The following IRAG2 variants were observed in gnomAD, a reference collection of about 807,000 sequenced individuals.
IRAG2 encodes lymphoid restricted membrane protein.
A neutral mutation model predicts 69.9 loss-of-function variants in IRAG2; 45 were observed. That is an observed-to-expected ratio of 0.64 (90% CI 0.51 to 0.83). The LOEUF is 0.83. IRAG2 is among the 40% of genes least tolerant of loss of function. The probability of loss-of-function intolerance (pLI) is 0.00; values close to 1 mark genes in which losing one functional copy is unlikely to be tolerated. For synonymous variants in IRAG2, 193 were observed against 202.4 expected, an observed-to-expected ratio of 0.95 and a Z score of 0.40; for missense variants, 520 against 587.0, an observed-to-expected ratio of 0.89 and a Z score of 1.18.
At chr12:25,085,038 C>A (rs138395903) in intron 10 of IRAG2, among the ~76,000 whole-genome samples, 1 of 152,364 alleles carries the variant, frequency 6.6e-6, no homozygotes. Context: ...GGCTCTGCCC[C>A]CTGGCAGCAT....
At chr12:25,060,668 CTTTTTTTTTTTTT>C in intron 1 of IRAG2, among the ~76,000 whole-genome samples, 1 of 99,280 alleles carries the variant, frequency 1.0e-5, no homozygotes. Context: ...AATGTATTTT[CTTTTTTTTTTTTT>C]TTTTTTTTTG....
At chr12:25,040,233 G>A (rs1470717503) in intron 16 of IRAG2, among the ~76,000 whole-genome samples, 1 of 152,240 alleles carries the variant, frequency 6.6e-6, no homozygotes, top group East Asian at 1.9e-4. Flanking sequence ...AAATAGCTGG[G>A]TGCCCCGGCT....
In IRAG2 at chr12:25,079,335, G is replaced by T. The variant is rs771976932; in HGVS notation, c.71+45G>T. On this transcript the variant is annotated intron_variant, in intron 7 of 21. Coordinates refer to ENST00000556887, the MANE Select transcript of IRAG2 (RefSeq NM_001366544.2). ...GTGTGTGAATTTGTATGCATATTTA[G>T]TTGGTTTTAAGAGAATTATTTGGAC... is the stretch of plus-strand genomic sequence containing the variant. 4.3e-6 allele frequency: 7 copies of T among 1,610,632 alleles called. No individual in the cohort carries two copies. The Admixed American group carries it at 8.3e-5, about 19-fold the overall frequency.
At chr12:25,010,499 T>C (rs1591922636) in intron 2 of IRAG2, among the ~76,000 whole-genome samples, 1 of 152,106 alleles carries the variant, frequency 6.6e-6, no homozygotes, top group East Asian at 1.9e-4. Flanking sequence ...CAGTTCTCTC[T>C]CTAAATAACT....
At chr12:25,096,168 A>T (rs1329330931) in intron 14 of IRAG2, among the ~76,000 whole-genome samples, 1 of 152,198 alleles carries the variant, frequency 6.6e-6, no homozygotes, top group African/African-American at 2.4e-5. Context: ...TTTTTTGAAC[A>T]TTTCTAAAAT....
upstream of IRAG2, among the ~76,000 whole-genome samples, chr12:25,003,494 C>T (rs1226261514): frequency 6.6e-6 from 1 of 151,884 alleles, no homozygotes; most frequent in South Asian, 2.1e-4. Context: ...TACAGGCACG[C>T]ACCACCACAC....
chr12:25,005,967 T>G (rs941663833), intron 2 of IRAG2, among the ~76,000 whole-genome samples: 4 of 152,160 alleles, frequency 2.6e-5, no homozygotes, highest in African/African-American at 9.7e-5. Flanking sequence ...GTAGAAGATA[T>G]TCACAACCAT....
chr12:25,077,637 G>T (rs116648091), intron 6 of IRAG2, among the ~76,000 whole-genome samples: 2,558 of 151,692 alleles, frequency 0.017, 79 homozygotes, highest in African/African-American at 0.059. Flanking sequence ...TCCATGCTTG[G>T]CCTACGGGCT....
rs374324375 is a variant in IRAG2 at position 25,097,062 on chromosome 12, C to T, written c.741+18C>T. ...TCAATCAGGTAACCTGTCTTCATTT[C>T]TCTAGTTAGAATGAAATTACAAAAA... On this transcript the variant is annotated intron_variant, in intron 15 of 21. Transcript: ENST00000556887. The T allele has an allele frequency of 1.0e-5, 16 of 1,579,556 alleles. No homozygotes were observed. Among genetic ancestry groups the T allele is most frequent in the Non-Finnish European group, 8.6e-7 (1 of 1,167,652 alleles).
rs1420963075 is a variant in IRAG2 at position 25,061,645 on chromosome 12, C to T, written c.-393C>T. 1.0e-5 allele frequency: 4 copies of T among 398,434 alleles called. No individual in the cohort carries two copies. Among genetic ancestry groups the T allele is most frequent in the Non-Finnish European group, 1.8e-5 (4 of 226,050 alleles). The allele number at this position is 398,434 out of a possible 1,614,324, so 24.7% of individuals were successfully genotyped here. A position where few individuals can be genotyped will look rare whatever the true frequency, so the allele number is the denominator to read the frequency against. ...CATTGAAGGGGAACACCATGGCTTG[C>T]TGTTTCAGGTAAAATATCTCTGATA... On this transcript the variant is annotated 5_prime_UTR_variant, in exon 2 of 22. Transcript: ENST00000556887.
the IRAG2 span, among the ~76,000 whole-genome samples, chr12:24,998,049 C>A: frequency 6.6e-6 from 1 of 152,162 alleles, no homozygotes; most frequent in African/African-American, 2.4e-5. Context: ...ACTGTAAGAA[C>A]CTTGGAGGCA....
chr12:25,053,722 A>G (rs1565538766), intron 1 of IRAG2, among the ~76,000 whole-genome samples: 1 of 147,018 alleles, frequency 6.8e-6, no homozygotes, highest in Non-Finnish European at 1.5e-5. Flanking sequence ...AGCAGTATAA[A>G]TATTCTTTTT....
intron 1 of IRAG2, chr12:25,004,923 T>C (rs990277382): frequency 8.2e-7 from 1 of 1,225,602 alleles, no homozygotes; most frequent in Non-Finnish European, 1.0e-6. Flanking sequence ...ATGGTAAATA[T>C]TCATCTTTTA....
At chr12:25,017,324 A>G in intron 6 of IRAG2, 1 of 1,231,314 alleles carries the variant, frequency 8.1e-7, no homozygotes, top group Non-Finnish European at 1.0e-6. Flanking sequence ...TGTGCGGGGA[A>G]CTTTCATTTC....
At chr12:25,104,327 G>T in intron 19 of IRAG2, 34 bp from the exon 20 acceptor site, 3 of 1,330,880 alleles carry the variant, frequency 2.3e-6, no homozygotes, top group South Asian at 2.3e-5. Context: ...AGATGTATTT[G>T]ATTTGACAAG....
intron 16 of IRAG2, among the ~76,000 whole-genome samples, chr12:25,040,655 G>C (rs531280142): frequency 6.6e-6 from 1 of 152,190 alleles, no homozygotes; most frequent in Non-Finnish European, 1.5e-5. Flanking sequence ...GGAAGAGAAG[G>C]TTCCCATTCT....
At chr12:25,097,275 T>G (rs952458691) in intron 15 of IRAG2, 95 of 415,792 alleles carry the variant, frequency 2.3e-4, no homozygotes, top group African/African-American at 1.9e-3. Context: ...TTGTGATATA[T>G]TCTTCAAGAT....
At chr12:25,065,809 A>G (rs146402814) in intron 4 of IRAG2, among the ~76,000 whole-genome samples, 1 of 152,340 alleles carries the variant, frequency 6.6e-6, no homozygotes, top group East Asian at 1.9e-4. Context: ...AGCTGGGACT[A>G]CAGGCACATG....
chr12:25,006,650 A>G (rs1309088404), intron 2 of IRAG2, among the ~76,000 whole-genome samples: 8 of 152,194 alleles, frequency 5.3e-5, no homozygotes, highest in African/African-American at 1.9e-4. Context: ...CATGTTCTCA[A>G]TTTTAAGTGG....
Sources: gnomAD v4.1 joint callset for allele counts (sites outside exome capture counted in the v4.1 genomes callset) on GRCh38, gnomAD v4.1.1 for gene constraint, MANE v1.5 for transcripts, NCBI Gene and HGNC (gene_info 2026-07-23, HGNC 2026-07-21) for gene names.